Variants in PGAP1 observed in about 807,000 individuals in gnomAD.
PGAP1 encodes post-GPI attachment to proteins inositol deacylase 1, also known as GPI inositol-deacylase.
Under a neutral mutation model 127.0 loss-of-function variants are expected in PGAP1, and 76 were observed. That is an observed-to-expected ratio of 0.60 (90% CI 0.50 to 0.72). The LOEUF (loss-of-function observed/expected upper bound fraction) is 0.72. Ranked by LOEUF, PGAP1 falls within the 30% of genes least tolerant of loss-of-function variation. PGAP1 has a pLI of 0.00. For synonymous variants in PGAP1, 362 were observed against 366.5 expected (o/e 0.99, Z 0.14); for missense variants, 982 against 1,071.3 (o/e 0.92, Z 1.16).
chr2:196,900,978 A>C (rs1239937849), intron 5 of PGAP1, among the ~76,000 whole-genome samples: 1 of 152,146 alleles, frequency 6.6e-6, no homozygotes, highest in African/African-American at 2.4e-5. Flanking sequence ...GATTAGAAAA[A>C]ATAGGGAAGT....
chr2:196,897,765 A>G (rs1056997958), intron 6 of PGAP1, among the ~76,000 whole-genome samples: 7 of 152,224 alleles, frequency 4.6e-5, no homozygotes, highest in African/African-American at 1.7e-4. Flanking sequence ...ATTTGATATT[A>G]GCTTCATTTG....
chr2:196,877,229 A>G (rs1332507544), intron 13 of PGAP1, among the ~76,000 whole-genome samples: 1 of 152,124 alleles, frequency 6.6e-6, no homozygotes, highest in African/African-American at 2.4e-5. Flanking sequence ...GTTTTCTGTT[A>G]CAAAAAAATG....
intron 1 of PGAP1, among the ~76,000 whole-genome samples, chr2:196,925,685 C>G (rs776738250): frequency 6.6e-6 from 1 of 152,004 alleles, no homozygotes; most frequent in African/African-American, 2.4e-5. Context: ...AAACTCCGAA[C>G]CCAGCGAGAA....
intron 10 of PGAP1, among the ~76,000 whole-genome samples, chr2:196,889,474 G>A (rs1227989211): frequency 2.0e-5 from 3 of 149,776 alleles, no homozygotes; most frequent in Non-Finnish European, 3.0e-5. Context: ...AAAGGGAGAA[G>A]AAGGAACAGA....
At chr2:196,879,470 G>A (rs1350769183) in intron 13 of PGAP1, among the ~76,000 whole-genome samples, 4 of 152,084 alleles carry the variant, frequency 2.6e-5, no homozygotes, top group South Asian at 2.1e-4. Flanking sequence ...CAAGGTGGGC[G>A]GATCACCTGA....
intron 12 of PGAP1, 97 bp from the exon 13 acceptor site, chr2:196,880,250 C>T: frequency 2.6e-6 from 2 of 778,488 alleles, no homozygotes; most frequent in Non-Finnish European, 2.0e-6. Context: ...AATTCGTTAT[C>T]TTAAAAAGCA....
intron 18 of PGAP1, 89 bp downstream of exon 18, chr2:196,872,352 G>T: frequency 1.2e-6 from 1 of 842,822 alleles, no homozygotes; most frequent in Non-Finnish European, 1.8e-6. Flanking sequence ...TGGCTTCCAT[G>T]CCACCATATA....
At chr2:196,878,448 T>C (rs756786925) in intron 13 of PGAP1, among the ~76,000 whole-genome samples, 4 of 152,194 alleles carry the variant, frequency 2.6e-5, no homozygotes, top group African/African-American at 4.8e-5. Flanking sequence ...CAAAAAGTTT[T>C]AGATGGCGCG....
intron 26 of PGAP1, among the ~76,000 whole-genome samples, chr2:196,842,329 G>A (rs1448126815): frequency 6.6e-6 from 1 of 152,034 alleles, no homozygotes; most frequent in African/African-American, 2.4e-5. Context: ...GAAAAATCAG[G>A]TTTTATTATG....
chr2:196,914,656 AACAAAACAAG>A (rs1702941718), intron 3 of PGAP1, among the ~76,000 whole-genome samples: 1 of 90,752 alleles, frequency 1.1e-5, no homozygotes, highest in Admixed American at 1.2e-4. Context: ...AACAAAACAA[AACAAAACAAG>A]TTGTATACAC....
chr2:196,885,363 A>C, intron 12 of PGAP1, 61 bp downstream of exon 12: 1 of 1,082,346 alleles, frequency 9.2e-7, no homozygotes, highest in Non-Finnish European at 1.4e-6. Context: ...ATATTTTAAA[A>C]TGTGTATAGA....
Position 196,898,406 on chromosome 2 carries a change from C to T in PGAP1, c.808-37G>A, listed in dbSNP as rs75052981. ...GAAAAAAATAAACTTACGAAAAGCA[C>T]ATTTGTTATTCTCTAAAAGGTATGA... On this transcript the variant is annotated intron_variant, in intron 5 of 26. Coordinates refer to ENST00000354764, the MANE Select transcript of PGAP1 (RefSeq NM_024989.4). 1.3e-3 allele frequency: 1,840 copies of T among 1,412,066 alleles called. 20 individuals are homozygous for T. The African/African-American group carries it at 0.023, about 18-fold the overall frequency. 87.5% of individuals were successfully genotyped at this position (1,412,066 alleles called of 1,614,324 possible). A position where few individuals can be genotyped will look rare whatever the true frequency, so the allele number is the denominator to read the frequency against.
At position 196,872,462 on chromosome 2, in the gene PGAP1, CG is replaced by C; in HGVS notation, c.1706del (p.Thr569SerfsTer9). ...NTHVALFKMYTSSDCRYEVTV... is the reference protein window; with the variant it reads ...NTHVALFKMYXSSDCRYEVTV... The stretch of plus-strand genomic sequence containing the variant: ...TTACCTCGTACCGACAGTCTGATGA[CG>C]TGTACATTTTAAATAATGCCACATG... On this transcript the variant is annotated frameshift_variant, in exon 18 of 27. Coordinates refer to ENST00000354764, the MANE Select transcript of PGAP1 (RefSeq NM_024989.4). LOFTEE classifies it high-confidence loss of function. 1 of 1,608,454 alleles carries C rather than the reference CG, an allele frequency of 6.2e-7. No individual in the cohort carries two copies. The highest frequency in any genetic ancestry group is 8.5e-7 in the Non-Finnish European group (1 of 1,175,016).
intron 13 of PGAP1, among the ~76,000 whole-genome samples, chr2:196,876,984 A>AT (rs1047512500): frequency 1.1e-4 from 16 of 152,192 alleles, no homozygotes; most frequent in African/African-American, 3.6e-4. Flanking sequence ...TACTCATTAC[A>AT]TTTTTTACAA....
intron 20 of PGAP1, among the ~76,000 whole-genome samples, chr2:196,852,229 A>G (rs1193790698): frequency 6.6e-6 from 1 of 152,178 alleles, no homozygotes; most frequent in Non-Finnish European, 1.5e-5. Flanking sequence ...ATATATGTTC[A>G]GGTACATTTA....
At chr2:196,888,790 T>G (rs1177876691) in intron 10 of PGAP1, among the ~76,000 whole-genome samples, 1 of 152,152 alleles carries the variant, frequency 6.6e-6, no homozygotes, top group Non-Finnish European at 1.5e-5. Flanking sequence ...TAGTATTAAT[T>G]TGGTTGGATG....
chr2:196,872,302 A>G, intron 18 of PGAP1, 139 bp downstream of exon 18: 1 of 576,756 alleles, frequency 1.7e-6, no homozygotes, highest in South Asian at 2.7e-5. Context: ...AAAAATGAAG[A>G]ATATTTAAAA....
At chr2:196,876,615 C>T (rs921003044) in intron 13 of PGAP1, among the ~76,000 whole-genome samples, 4 of 152,164 alleles carry the variant, frequency 2.6e-5, no homozygotes, top group African/African-American at 4.8e-5. Context: ...TTTTGATCTA[C>T]GGAAGCTAAA....
At chr2:196,918,052 T>C (rs979990395) in intron 2 of PGAP1, among the ~76,000 whole-genome samples, 3 of 152,174 alleles carry the variant, frequency 2.0e-5, no homozygotes, top group African/African-American at 7.2e-5. Flanking sequence ...TGCTATCTCA[T>C]TTTTTATTTA....
Sources: gnomAD v4.1 joint callset for allele counts (sites outside exome capture counted in the v4.1 genomes callset) on GRCh38, gnomAD v4.1.1 for gene constraint, MANE v1.5 for transcripts, NCBI Gene and HGNC (gene_info 2026-07-23, HGNC 2026-07-21) for gene names.